Variants in MTIF2 observed in about 807,000 individuals in gnomAD.
MTIF2 encodes translation initiation factor IF-2, mitochondrial.
Under a neutral mutation model 83.5 loss-of-function variants are expected in MTIF2, and 71 were observed. That is an observed-to-expected ratio of 0.85 (90% confidence interval 0.70 to 1.04). MTIF2 has a LOEUF of 1.04. MTIF2 is among the 50% of genes least tolerant of loss of function. MTIF2 has a pLI of 0.00. For missense variants in MTIF2, 957 were observed against 846.5 expected, an observed-to-expected ratio of 1.13 and a Z score of -1.62; for synonymous variants, 319 against 287.1, an observed-to-expected ratio of 1.11 and a Z score of -1.12.
At chr2:55,244,317 T>C in intron 10 of MTIF2, 84 bp from the exon 11 acceptor site, 1 of 996,184 alleles carries the variant, frequency 1.0e-6, no homozygotes. Flanking sequence ...TTAAGTTATA[T>C]AAACATGTGT....
Position 55,263,789 on chromosome 2 carries a change from G to C in MTIF2, c.70C>G (p.Leu24Val), listed in dbSNP as rs1248201201. ...FHTIYRQLHSLCQRRALRQWR... is the reference protein window; with the variant it reads ...FHTIYRQLHSVCQRRALRQWR... ...TGTCTTAATGCTCTTCTTTGACACA[G>C]ACTGTGCAGTTGCCTATAAATAGTG... The change falls in exon 4 of 16, where the codon CTG (leucine) becomes GTG (valine). Residue 24 changes from leucine to valine, a missense_variant. Leu to Val is a conservative substitution (Grantham distance 32, BLOSUM62 1). This residue lies in a region of MTIF2 where 733 missense variants were observed against 648.7 expected (regional missense o/e 1.13). Transcript: ENST00000263629. 2 of 1,613,928 alleles carry C rather than the reference G, an allele frequency of 1.2e-6. No individual in the cohort carries two copies. The highest frequency in any genetic ancestry group is 1.1e-5 in the South Asian group (1 of 91,090).
Position 55,254,659 on chromosome 2 carries a change from T to G in MTIF2, c.498A>C (p.Val166=), listed in dbSNP as rs771426745. 1 of 1,598,982 alleles carries G rather than the reference T, an allele frequency of 6.3e-7. No individual in the cohort carries two copies. Among genetic ancestry groups the G allele is most frequent in the East Asian group, 2.3e-5 (1 of 44,006 alleles). The change falls in exon 6 of 16, where the codon GTA becomes GTC. Residue 166 remains valine, a synonymous_variant. Transcript: ENST00000263629. ...QDKVRKNKDA[V]RRPQADPALL... is the part of the protein sequence containing the mutation. Reference sequence around the variant, plus strand: ...TATATACAGTTAAGTTTTACCTTCTTACAGCATCTTTATTTTTTCTGACTT... The same window carrying G: ...TATATACAGTTAAGTTTTACCTTCTGACAGCATCTTTATTTTTTCTGACTT...
At chr2:55,241,107 TAAAC>T (rs1287878394) in intron 13 of MTIF2, among the ~76,000 whole-genome samples, 6 of 152,082 alleles carry the variant, frequency 3.9e-5, no homozygotes, top group East Asian at 1.9e-4. Context: ...ACTCTTGTCT[TAAAC>T]AAAATGAATG....
rs1675865168 is a variant in MTIF2, at chr2:55,236,874, A to G, written c.2012-54T>C. The stretch of plus-strand genomic sequence containing the variant: ...ATTCAATAAATGATAAGTACCTACT[A>G]AATACTACATTATGTGGTGTTAACC... On this transcript the variant is annotated intron_variant, in intron 15 of 15. Transcript: ENST00000263629. 5.3e-6 allele frequency: 7 copies of G among 1,329,164 alleles called. No individual in the cohort carries two copies. In the East Asian group the frequency reaches 1.5e-4, roughly 28 times the overall value. 82.3% of individuals were successfully genotyped at this position (1,329,164 alleles called of 1,614,324 possible).
intron 5 of MTIF2, among the ~76,000 whole-genome samples, chr2:55,261,848 C>T (rs1033698485): frequency 2.1e-5 from 3 of 145,906 alleles, no homozygotes; most frequent in South Asian, 2.1e-4. Flanking sequence ...TGAGGCTGAA[C>T]GATTGTTTTG....
chr2:55,249,635 T>A (rs1268013413), intron 8 of MTIF2, 101 bp from the exon 9 acceptor site: 3 of 1,409,078 alleles, frequency 2.1e-6, no homozygotes, highest in Non-Finnish European at 1.9e-6. Context: ...TTCTCTTTAT[T>A]CAGTGGATGT....
At chr2:55,251,812 AGGGATTTTCCATGTTGGTCAGGCTG>A (rs1399630104) in intron 8 of MTIF2, among the ~76,000 whole-genome samples, 3 of 152,116 alleles carry the variant, frequency 2.0e-5, no homozygotes, top group Non-Finnish European at 4.4e-5. Context: ...TAGTAGAGAC[AGGGATTTTCCATGTTGGTCAGGCTG>A]GTCTCGAACT....
At chr2:55,259,083 CAG>C (rs1677764525) in intron 5 of MTIF2, among the ~76,000 whole-genome samples, 1 of 152,242 alleles carries the variant, frequency 6.6e-6, no homozygotes, top group Admixed American at 6.5e-5. Context: ...GTAGCTTACA[CAG>C]AGAGATAATC....
Position 55,247,327 on chromosome 2 carries a change from C to T in MTIF2, c.982-866G>A, listed in dbSNP as rs148810122. On this transcript the variant is annotated intron_variant, in intron 9 of 15. Transcript: ENST00000263629. ...ATCCCAGCACTTTGGGAAGCTGAGACGGGCGGATCACTTGAGGTTAGGAGT... is the reference window on the plus strand; with the variant it reads ...ATCCCAGCACTTTGGGAAGCTGAGATGGGCGGATCACTTGAGGTTAGGAGT... Among the ~76,000 whole-genome samples the T allele has an allele frequency of 2.5e-3, 385 of 152,282 alleles. 1 individual carries two copies. The highest frequency in any genetic ancestry group is 8.8e-3 in the African/African-American group (364 of 41,566).
rs1023709084 is a variant in MTIF2 at position 55,252,635 on chromosome 2, T to A, written c.683A>T (p.Glu228Val). The change falls in exon 8 of 16, where the codon GAA becomes GTA. Residue 228 changes from glutamate to valine, a missense_variant. By Grantham distance (121) the Glu-to-Val change is moderately radical (BLOSUM62 -2). Around this residue, in one of 3 missense-constraint regions of MTIF2, gnomAD observed 733 missense variants for 648.7 expected, o/e 1.13. Coordinates refer to ENST00000263629, the MANE Select transcript of MTIF2 (RefSeq NM_002453.3). Reference protein sequence around the residue: ...GAFLVSLPSGEKITFLDTPGH... With the variant: ...GAFLVSLPSGVKITFLDTPGH... The stretch of plus-strand genomic sequence containing the variant: ...TGGAGTATCAAGAAAAGTTATCTTT[T>A]CCCCAGAAGGCAGAGAGACTGTGGA... The A allele has an allele frequency of 6.2e-7, 1 of 1,613,160 alleles. No individual in the cohort carries two copies. Among genetic ancestry groups the A allele is most frequent in the African/African-American group, 1.3e-5 (1 of 75,004 alleles).
intron 5 of MTIF2, among the ~76,000 whole-genome samples, chr2:55,261,376 C>G (rs1677973101): frequency 1.3e-5 from 2 of 151,708 alleles, no homozygotes; most frequent in Admixed American, 1.3e-4. Flanking sequence ...GAGGCCGAGG[C>G]AGGCAGATCA....
chr2:55,241,001 T>A (rs57932821), intron 13 of MTIF2, among the ~76,000 whole-genome samples: 5,109 of 152,216 alleles, frequency 0.034, 276 homozygotes, highest in African/African-American at 0.11. Flanking sequence ...TCAAGAGTTA[T>A]TTTTAAGAAG....
At chr2:55,238,313 G>A (rs915855413) in intron 14 of MTIF2, among the ~76,000 whole-genome samples, 1 of 151,178 alleles carries the variant, frequency 6.6e-6, no homozygotes, top group African/African-American at 2.4e-5. Context: ...CACTGCACCT[G>A]ACCTCATTAT....
Position 55,237,363 on chromosome 2 carries a change from A to G in MTIF2, c.1936T>C (p.Cys646Arg). Residue 646 changes from cysteine to arginine, a missense_variant, in exon 15 of 16, where the codon TGC becomes CGC. Cys to Arg is a radical substitution (Grantham distance 180). This residue lies in a region of MTIF2 where 221 missense variants were observed against 180.6 expected (regional missense o/e 1.22). Coordinates refer to ENST00000263629, the MANE Select transcript of MTIF2 (RefSeq NM_002453.3). ...TCTAACTGTCCCTTTTGGACTCTGC[A>G]GCCAGCCACAGGAACTTTTTTCTTC... ...EGKKKVPVAG[C>R]RVQKGQLEKQ... The G allele has an allele frequency of 6.2e-7, 1 of 1,613,020 alleles. No homozygotes were observed. Among genetic ancestry groups the G allele is most frequent in the Non-Finnish European group, 8.5e-7 (1 of 1,179,938 alleles).
Position 55,243,492 on chromosome 2 carries a change from T to C in MTIF2, c.1488A>G (p.Glu496=), listed in dbSNP as rs1331713851. The stretch of plus-strand genomic sequence containing the variant: ...GCTTTAAGGGTATTTGTTCTTTTCT[T>C]TCTAAAAACCGTAGAATTGATCTCT... ...WKKRSILRFL[E]RKEQIPLKPK... Residue 496 remains glutamate (E), a synonymous_variant, in exon 12 of 16, where the codon GAA becomes GAG. Coordinates refer to ENST00000263629, the MANE Select transcript of MTIF2 (RefSeq NM_002453.3). The C allele has an allele frequency of 5.6e-6, 9 of 1,614,106 alleles. No individual in the cohort carries two copies. Among genetic ancestry groups the C allele is most frequent in the Non-Finnish European group, 7.6e-6 (9 of 1,179,970 alleles).
In MTIF2 at chr2:55,254,587, T is replaced by C. The variant is rs1156640279; in HGVS notation, c.503+67A>G. 3 of 1,303,760 alleles carry C rather than the reference T, an allele frequency of 2.3e-6. No individual in the cohort carries two copies. In the East Asian group the frequency reaches 7.6e-5, roughly 33 times the overall value. The allele number at this position is 1,303,760 out of a possible 1,614,324, so 80.8% of individuals were successfully genotyped here. A position where few individuals can be genotyped will look rare whatever the true frequency, so the allele number is the denominator to read the frequency against. On this transcript the variant is annotated intron_variant, in intron 6 of 15. Transcript: ENST00000263629. ...AGAAATTTTAAAGCAAATCTTTCCA[T>C]TAAAAAGTGTAAATATAACTATGTA...
At position 55,257,817 on chromosome 2, in the gene MTIF2, G is replaced by C. The variant is rs184673714; in HGVS notation, c.332-2992C>G. 2.1e-3 allele frequency among the ~76,000 whole-genome samples: 322 copies of C among 152,182 alleles called. 2 individuals are homozygous for C. The highest frequency in any genetic ancestry group is 7.3e-3 in the African/African-American group (305 of 41,512). ...GTTTGTTTGTTTGGGGTTTTCTGAG[G>C]CAGGGTCTCAGTCTGTCGCCCTGGC... On this transcript the variant is annotated intron_variant, in intron 5 of 15. Coordinates refer to ENST00000263629, the MANE Select transcript of MTIF2 (RefSeq NM_002453.3).
chr2:55,240,120 T>G lies in MTIF2; in HGVS notation c.1761A>C (p.Ala587=). The G allele has an allele frequency of 6.2e-7, 1 of 1,614,076 alleles. No individual in the cohort carries two copies. The highest frequency in any genetic ancestry group is 8.5e-7 in the Non-Finnish European group (1 of 1,179,992). ...NAGNVIQQSA[A]KKGVKIKLHK... Reference sequence around the variant, plus strand: ...GAAGTTTAATTTTTACTCCTTTTTTTGCAGCTGACTGTTGGATAACATTGC... The same window carrying G: ...GAAGTTTAATTTTTACTCCTTTTTTGGCAGCTGACTGTTGGATAACATTGC... Residue 587 remains alanine, a synonymous_variant, in exon 14 of 16, where the codon GCA becomes GCC. Coordinates refer to ENST00000263629, the MANE Select transcript of MTIF2 (RefSeq NM_002453.3).
At chr2:55,254,232 T>C (rs1211306872) in intron 6 of MTIF2, 31 bp from the exon 7 acceptor site, 1 of 1,600,944 alleles carries the variant, frequency 6.2e-7, no homozygotes, top group East Asian at 2.2e-5. Flanking sequence ...GTTTCATTTC[T>C]TAAATATCAG....
Sources: gnomAD v4.1 joint callset for allele counts (sites outside exome capture counted in the v4.1 genomes callset) on GRCh38, gnomAD v4.1.1 for gene constraint, gnomAD v4.1.1 regional missense constraint, MANE v1.5 for transcripts, NCBI Gene and HGNC (gene_info 2026-07-23, HGNC 2026-07-21) for gene names.